Variants in COL2A1 observed in about 807,000 individuals in gnomAD.
COL2A1 encodes collagen alpha-1(II) chain.
A neutral mutation model predicts 204.5 loss-of-function variants in COL2A1; 28 were observed. That is an observed-to-expected ratio of 0.14 (90% CI 0.10 to 0.19). The LOEUF is 0.19. COL2A1 is among the 10% of genes least tolerant of loss of function. COL2A1 has a pLI of 1.00. For missense variants in COL2A1, 1,388 were observed against 2,027.5 expected, an observed-to-expected ratio of 0.68 and a Z score of 6.06; for synonymous variants, 708 against 718.7, an observed-to-expected ratio of 0.99 and a Z score of 0.24.
At chr12:47,992,451 A>G (rs1939750004) in intron 16 of COL2A1, among the ~76,000 whole-genome samples, 1 of 152,126 alleles carries the variant, frequency 6.6e-6, no homozygotes, top group Admixed American at 6.5e-5. Flanking sequence ...ATAGCATAAC[A>G]TCCCTCACAG....
intron 16 of COL2A1, among the ~76,000 whole-genome samples, chr12:47,990,137 G>A (rs755553151): frequency 1.3e-5 from 2 of 152,118 alleles, no homozygotes; most frequent in Non-Finnish European, 2.9e-5. Flanking sequence ...CTGAGTAACT[G>A]GGATTACAGG....
At position 47,993,242 on chromosome 12, in the gene COL2A1, T is replaced by A. The variant is rs1793913; in HGVS notation, c.969+216A>T. ...ATGTTGAGACTCAACAGAATTTTTT[T>A]AAATGGGAGCATCTTTAGTGTGATA... On this transcript the variant is annotated intron_variant, in intron 15 of 53. Transcript: ENST00000380518. Among the ~76,000 whole-genome samples the A allele has an allele frequency of 0.75, 114,452 of 152,200 alleles. 43,939 individuals carry two copies. The highest frequency in any genetic ancestry group is 0.85 in the Non-Finnish European group (57,856 of 67,992).
Position 47,978,684 on chromosome 12 carries a change from G to C in COL2A1, c.2808C>G (p.Gly936=). ...DGPKGARGDS[G]PPGRAGEPGL... ...CGGGTTCACCAGCTCGGCCAGGGGG[G>C]CCGCTGTCTCCTCGAGCACCTTTGG... Residue 936 remains glycine (G), a synonymous_variant, in exon 42 of 54, where the codon GGC becomes GGG. Transcript: ENST00000380518. This position sits in a 1 kb window ranked among gnomAD's most constrained non-coding sequence, Gnocchi z 5.5. 1 of 1,613,280 alleles carries C rather than the reference G, an allele frequency of 6.2e-7. No individual in the cohort carries two copies. Among genetic ancestry groups the C allele is most frequent in the Non-Finnish European group, 8.5e-7 (1 of 1,179,984 alleles).
At chr12:47,974,976 G>A in intron 51 of COL2A1, 114 bp from the exon 52 acceptor site, 2 of 1,124,530 alleles carry the variant, frequency 1.8e-6, no homozygotes, top group Non-Finnish European at 2.5e-6. Context: ...CAAGGGATGA[G>A]GTTCACATGT....
chr12:47,998,063 A>G lies in COL2A1; in HGVS notation c.344T>C (p.Ile115Thr). 6.2e-7 allele frequency: 1 copy of G among 1,614,214 alleles called. No individual in the cohort carries two copies. Among genetic ancestry groups the G allele is most frequent in the Non-Finnish European group, 8.5e-7 (1 of 1,180,030 alleles). Residue 115 changes from isoleucine (I) to threonine (T), a missense_variant and splice_region_variant, in exon 5 of 54, where the codon ATT becomes ACT. Physicochemically the swap from Ile to Thr is moderately conservative, Grantham distance 89. Coordinates refer to ENST00000380518, the MANE Select transcript of COL2A1 (RefSeq NM_001844.5). ...CCCAGGAGGTCCTTTGGGTCCTACA[A>G]TCTGTGAGAGAGAGCCCCACAGGAT... ...QKGEPGDIKDIVGPKGPPGPQ... is the reference protein window; with the variant it reads ...QKGEPGDIKDTVGPKGPPGPQ...
chr12:47,984,747 G>T, intron 27 of COL2A1, 148 bp from the exon 28 acceptor site: 1 of 829,922 alleles, frequency 1.2e-6, no homozygotes, highest in Non-Finnish European at 2.0e-6. Flanking sequence ...CTGTTCAGGG[G>T]CCATAATGGC....
At chr12:47,979,736 G>T (rs1327378968) in intron 40 of COL2A1, among the ~76,000 whole-genome samples, 172 bp from the exon 41 acceptor site, 3 of 152,202 alleles carry the variant, frequency 2.0e-5, no homozygotes, top group Admixed American at 2.0e-4. Flanking sequence ...GGTCATAGAA[G>T]CAGGCACAGG....
Position 47,973,111 on chromosome 12 carries a change from G to A in COL2A1, c.*296C>T. On this transcript the variant is annotated 3_prime_UTR_variant, in exon 54 of 54. Coordinates refer to ENST00000380518, the MANE Select transcript of COL2A1 (RefSeq NM_001844.5). ...AGGGAGGTCTTCTGGCCTGGGCTGGGGGCAGTCACTCAGGGGGCATTTGAC... is the reference window on the plus strand; with the variant it reads ...AGGGAGGTCTTCTGGCCTGGGCTGGAGGCAGTCACTCAGGGGGCATTTGAC... The A allele has an allele frequency of 1.6e-6, 1 of 606,194 alleles. No homozygotes were observed. The highest frequency in any genetic ancestry group is 2.0e-5 in the South Asian group (1 of 50,226). The allele number at this position is 606,194 out of a possible 1,614,324, so 37.6% of individuals were successfully genotyped here.
At position 47,982,498 on chromosome 12, in the gene COL2A1, T is replaced by C. The variant is rs766483608; in HGVS notation, c.2301+4A>G. 2 of 1,610,906 alleles carry C rather than the reference T, an allele frequency of 1.2e-6. No homozygotes were observed. Among genetic ancestry groups the C allele is most frequent in the South Asian group, 1.1e-5 (1 of 91,006 alleles). ...TGGTGAGAGGCTGTAACCTCAGTAC[T>C]TACCCTGTCGCCTTTGGGCCCAGCG... On this transcript the variant is annotated splice_donor_region_variant and intron_variant, in intron 34 of 53. Coordinates refer to ENST00000380518, the MANE Select transcript of COL2A1 (RefSeq NM_001844.5).
rs777282659 is a variant in COL2A1 at position 47,977,369 on chromosome 12, G to T, written c.3224C>A (p.Ser1075Tyr). 2 of 1,613,754 alleles carry T rather than the reference G, an allele frequency of 1.2e-6. No homozygotes were observed. The highest frequency in any genetic ancestry group is 1.7e-6 in the Non-Finnish European group (2 of 1,179,890). The change falls in exon 46 of 54, where the codon TCC becomes TAC. Residue 1075 changes from serine to tyrosine, a missense_variant. Physicochemically the swap from Ser to Tyr is moderately radical, Grantham distance 144. Transcript: ENST00000380518. ...GAPGAPGPPGSPGPAGPTGKQ... is the reference protein window; with the variant it reads ...GAPGAPGPPGYPGPAGPTGKQ... ...GCCAGTTGGACCAGCGGGGCCAGGG[G>T]AGCCAGGGGGCCCAGGGGCTCCAGG...
At chr12:47,975,182 TAAG>T in intron 51 of COL2A1, 132 bp downstream of exon 51, 1 of 1,185,502 alleles carries the variant, frequency 8.4e-7, no homozygotes, top group East Asian at 2.6e-5. Flanking sequence ...TGCTGTGAAA[TAAG>T]AGAGGAACCC....
In COL2A1 at chr12:47,987,759, A is replaced by G. The variant is rs1315164259; in HGVS notation, c.1123-50T>C. 4.2e-6 allele frequency: 6 copies of G among 1,429,998 alleles called. No individual in the cohort carries two copies. The Admixed American group carries it at 7.3e-5, about 17-fold the overall frequency. 88.6% of individuals were successfully genotyped at this position (1,429,998 alleles called of 1,614,324 possible). ...ATGAAGAAGAAGAGAGGGGACACAG[A>G]CCTCTAGTGGGTGGGCAATAGCTCA... On this transcript the variant is annotated intron_variant, in intron 18 of 53. Transcript: ENST00000380518. This position sits in a 1 kb window ranked among gnomAD's most constrained non-coding sequence, Gnocchi z 4.1.
At chr12:47,996,517 T>A (rs1565693941) in intron 8 of COL2A1, 31 bp downstream of exon 8, 2 of 1,595,262 alleles carry the variant, frequency 1.3e-6, no homozygotes, top group East Asian at 2.2e-5. Flanking sequence ...TCCTGCCATT[T>A]TGGCTGCAAA....
intron 16 of COL2A1, among the ~76,000 whole-genome samples, chr12:47,990,867 G>C (rs548740776): frequency 6.6e-6 from 1 of 152,178 alleles, no homozygotes; most frequent in African/African-American, 2.4e-5. Context: ...AGGCTGGGTG[G>C]AGCTGGGCCT....
intron 46 of COL2A1, 39 bp downstream of exon 46, chr12:47,977,281 G>A (rs761162449): frequency 7.6e-6 from 12 of 1,581,100 alleles, no homozygotes; most frequent in South Asian, 3.3e-5. Flanking sequence ...GCCCCACCGC[G>A]CAGGGGAAGG....
chr12:47,994,172 G>T, intron 12 of COL2A1, 125 bp from the exon 13 acceptor site: 1 of 1,161,628 alleles, frequency 8.6e-7, no homozygotes, highest in Non-Finnish European at 1.3e-6. Flanking sequence ...CCCACACTTG[G>T]ACAGCTCTTT....
Position 47,973,112 on chromosome 12 carries a change from G to A in COL2A1, c.*295C>T, listed in dbSNP as rs41272781. ...GGGAGGTCTTCTGGCCTGGGCTGGG[G>A]GCAGTCACTCAGGGGGCATTTGACT... On this transcript the variant is annotated 3_prime_UTR_variant, in exon 54 of 54. Coordinates refer to ENST00000380518, the MANE Select transcript of COL2A1 (RefSeq NM_001844.5). 3,871 of 606,920 alleles carry A rather than the reference G, an allele frequency of 6.4e-3. 95 individuals are homozygous for A. In the African/African-American group the frequency reaches 0.065, roughly 10 times the overall value. 37.6% of individuals were successfully genotyped at this position (606,920 alleles called of 1,614,324 possible).
chr12:47,996,047 G>A, intron 8 of COL2A1, 128 bp from the exon 9 acceptor site: 1 of 744,824 alleles, frequency 1.3e-6, no homozygotes, highest in Non-Finnish European at 2.4e-6. Flanking sequence ...GGGGCCTAGA[G>A]TGGCTGCTCC....
Position 47,993,522 on chromosome 12 carries a change from G to C in COL2A1, c.925-20C>G, listed in dbSNP as rs764168800. 6.2e-7 allele frequency: 1 copy of C among 1,611,980 alleles called. No homozygotes were observed. The highest frequency in any genetic ancestry group is 8.5e-7 in the Non-Finnish European group (1 of 1,178,068). On this transcript the variant is annotated intron_variant, in intron 14 of 53. Transcript: ENST00000380518. Reference sequence around the variant, plus strand: ...CTCACCCTGGAAAAATGATGCACAAGGTCAGTGTCTGGGACCCCATTCTTG... The same window carrying C: ...CTCACCCTGGAAAAATGATGCACAACGTCAGTGTCTGGGACCCCATTCTTG...
Sources: allele counts gnomAD v4.1 joint callset (sites outside exome capture counted in the v4.1 genomes callset), GRCh38; gene constraint gnomAD v4.1.1; non-coding constraint Gnocchi (gnomAD v3.1); transcripts MANE v1.5; gene names NCBI Gene and HGNC (gene_info 2026-07-23, HGNC 2026-07-21).